WWOX: variants seen among roughly 807,000 people sequenced by gnomAD.
The protein encoded by WWOX is WW domain containing oxidoreductase, also known as WW domain-containing oxidoreductase.
WWOX carries 69 observed loss-of-function variants against 46.2 expected under a neutral mutation model. The ratio of observed to expected loss-of-function variants is 1.49; its 90% CI spans 1.23 to 1.82. The LOEUF (loss-of-function observed/expected upper bound fraction) is 1.82, where lower values mean the gene tolerates loss of function less well. Ranked by LOEUF, WWOX falls within the 40% of genes most tolerant of loss-of-function variation. The pLI is 0.00. For synonymous variants in WWOX, 359 were observed against 202.6 expected, an observed-to-expected ratio of 1.77 and a Z score of -6.56; for missense variants, 919 against 542.6, an observed-to-expected ratio of 1.69 and a Z score of -6.89.
At chr16:78,125,412 A>G (rs2033319237) in intron 4 of WWOX, among the ~76,000 whole-genome samples, 1 of 152,162 alleles carries the variant, frequency 6.6e-6, no homozygotes, top group Non-Finnish European at 1.5e-5. Context: ...CTTTCTAAGC[A>G]GCTCATTCAT....
chr16:78,781,585 C>G (rs189624404), intron 8 of WWOX, among the ~76,000 whole-genome samples: 5 of 152,086 alleles, frequency 3.3e-5, no homozygotes, highest in African/African-American at 1.2e-4. Context: ...TTATCTATCC[C>G]CCACCCCCAC....
At chr16:78,393,518 G>T (rs999624318) in intron 6 of WWOX, among the ~76,000 whole-genome samples, 2 of 152,092 alleles carry the variant, frequency 1.3e-5, no homozygotes, top group East Asian at 3.9e-4. Context: ...TTTAAAAAAC[G>T]GTTTGTAGGT....
chr16:78,454,817 G>A (rs2083778283), intron 8 of WWOX, among the ~76,000 whole-genome samples: 1 of 152,034 alleles, frequency 6.6e-6, no homozygotes, highest in Non-Finnish European at 1.5e-5. Context: ...TTTTGTTTTT[G>A]TGTATGTGCC....
At chr16:78,313,351 A>G (rs1442818407) in intron 5 of WWOX, among the ~76,000 whole-genome samples, 1 of 152,080 alleles carries the variant, frequency 6.6e-6, no homozygotes, top group Non-Finnish European at 1.5e-5. Context: ...GTGTTCAGAG[A>G]TGTGTTTCGT....
intron 8 of WWOX, among the ~76,000 whole-genome samples, chr16:78,934,931 C>A (rs2045704594): frequency 6.6e-6 from 1 of 152,162 alleles, no homozygotes; most frequent in African/African-American, 2.4e-5. Context: ...GAAACCCCAT[C>A]TCTACAAAGA....
intron 5 of WWOX, among the ~76,000 whole-genome samples, chr16:78,324,524 A>G (rs1412883458): frequency 6.6e-6 from 1 of 152,180 alleles, no homozygotes; most frequent in East Asian, 1.9e-4. Flanking sequence ...ATAGGTGGAA[A>G]AAACCCTAAT....
intron 5 of WWOX, among the ~76,000 whole-genome samples, chr16:78,169,240 A>G (rs1259793493): frequency 6.6e-6 from 1 of 152,078 alleles, no homozygotes; most frequent in African/African-American, 2.4e-5. Context: ...GTGGAATAAG[A>G]TGTTTTCCTG....
At chr16:78,133,530 G>T (rs1213810933) in intron 4 of WWOX, among the ~76,000 whole-genome samples, 1 of 152,170 alleles carries the variant, frequency 6.6e-6, no homozygotes, top group Non-Finnish European at 1.5e-5. Flanking sequence ...CAAAGTGCTG[G>T]GATTACAGGC....
At chr16:78,467,792 C>T (rs2084116208) in intron 8 of WWOX, among the ~76,000 whole-genome samples, 1 of 152,098 alleles carries the variant, frequency 6.6e-6, no homozygotes, top group Non-Finnish European at 1.5e-5. Flanking sequence ...CTTTTTCTTC[C>T]TTACTTAGAA....
intron 8 of WWOX, among the ~76,000 whole-genome samples, chr16:78,777,311 C>T (rs1319077706): frequency 1.3e-5 from 2 of 152,154 alleles, no homozygotes; most frequent in African/African-American, 4.8e-5. Context: ...AAAGGGAGGA[C>T]TTTCTGATGA....
chr16:78,328,197 T>C (rs2151889699), intron 5 of WWOX, among the ~76,000 whole-genome samples: 1 of 151,894 alleles, frequency 6.6e-6, no homozygotes, highest in East Asian at 1.9e-4. Flanking sequence ...AATTTCACAG[T>C]CCCTTACCTG....
At chr16:78,740,924 G>C (rs1477099235) in intron 8 of WWOX, among the ~76,000 whole-genome samples, 1 of 152,110 alleles carries the variant, frequency 6.6e-6, no homozygotes, top group African/African-American at 2.4e-5. Context: ...AAAAATAAGA[G>C]TTTATTTTTT....
rs149910695 is a variant in WWOX, at chr16:78,647,177, G to C, written c.1056+214425G>C. On this transcript the variant is annotated intron_variant, in intron 8 of 8. Transcript: ENST00000566780. ...GGGACATCCTTGAATCAGCCTCTGG[G>C]AATCACTGAACCAACATGAGTCACT... Among the ~76,000 whole-genome samples the C allele has an allele frequency of 5.3e-5, 8 of 152,240 alleles. No homozygotes were observed. In the East Asian group the frequency reaches 1.6e-3, roughly 30 times the overall value.
intron 8 of WWOX, among the ~76,000 whole-genome samples, chr16:78,454,292 AC>A (rs1567582931): frequency 1.3e-5 from 2 of 151,962 alleles, no homozygotes; most frequent in South Asian, 4.1e-4. Flanking sequence ...CATCTCTCAA[AC>A]TTTTTTGGAC....
chr16:79,149,338 G>C (rs192844248), intron 8 of WWOX, among the ~76,000 whole-genome samples: 5 of 152,214 alleles, frequency 3.3e-5, no homozygotes, highest in Middle Eastern at 3.4e-3. Context: ...GGACTATATT[G>C]ATTTTAAATA....
intron 8 of WWOX, among the ~76,000 whole-genome samples, chr16:78,790,156 G>T (rs907150711): frequency 6.6e-6 from 1 of 151,544 alleles, no homozygotes; most frequent in Admixed American, 6.6e-5. Context: ...TATTTTTTTG[G>T]GACAGGGTCT....
At chr16:78,108,674 A>G (rs946547918) in intron 2 of WWOX, among the ~76,000 whole-genome samples, 187 bp downstream of exon 2, 1 of 152,138 alleles carries the variant, frequency 6.6e-6, no homozygotes, top group Non-Finnish European at 1.5e-5. Context: ...TGGAGTGAGG[A>G]TGATTTCTTA....
At chr16:78,769,870 TAAAAA>T (rs2142515255) in intron 8 of WWOX, among the ~76,000 whole-genome samples, 1 of 150,968 alleles carries the variant, frequency 6.6e-6, no homozygotes, top group East Asian at 2.0e-4. Flanking sequence ...AATAAAAAAA[TAAAAA>T]TAAAAATAAA....
At chr16:78,575,261 C>G (rs1173113096) in intron 8 of WWOX, among the ~76,000 whole-genome samples, 2 of 148,672 alleles carry the variant, frequency 1.3e-5, no homozygotes, top group African/African-American at 2.5e-5. Flanking sequence ...TCAAAACTGA[C>G]TTTTTATTTT....
Sources: gnomAD v4.1 joint callset for allele counts (sites outside exome capture counted in the v4.1 genomes callset) on GRCh38, gnomAD v4.1.1 for gene constraint, MANE v1.5 for transcripts, NCBI Gene and HGNC (gene_info 2026-07-23, HGNC 2026-07-21) for gene names.